The following LCOR variants were observed in gnomAD, a reference collection of about 807,000 sequenced individuals.
LCOR encodes the protein ligand dependent nuclear receptor corepressor, also known as ligand-dependent corepressor.
Under a neutral mutation model 64.4 loss-of-function variants are expected in LCOR, and 14 were observed. The ratio of observed to expected loss-of-function variants is 0.22; its 90% CI spans 0.14 to 0.34. LCOR has a LOEUF of 0.34. Among genes scored for constraint, LCOR ranks in the 10% least tolerant of loss-of-function variants. The pLI is 1.00. For synonymous variants in LCOR, 643 were observed against 642.5 expected, an observed-to-expected ratio of 1.00 and a Z score of -0.01; for missense variants, 1,686 against 1,765.3, an observed-to-expected ratio of 0.96 and a Z score of 0.80.
intron 4 of LCOR, among the ~76,000 whole-genome samples, chr10:96,936,561 T>C (rs921586932): frequency 1.3e-5 from 2 of 152,222 alleles, no homozygotes; most frequent in African/African-American, 4.8e-5. Flanking sequence ...GTAAAAAGAA[T>C]TGGGGAATAC....
intron 6 of LCOR, among the ~76,000 whole-genome samples, chr10:96,949,805 G>A (rs1033462350): frequency 1.3e-5 from 2 of 152,000 alleles, no homozygotes; most frequent in African/African-American, 4.8e-5. Flanking sequence ...CATACTTTAG[G>A]TTGTTAAATA....
intron 4 of LCOR, 117 bp downstream of exon 4, chr10:96,907,864 C>G (rs1455587788): frequency 4.7e-6 from 1 of 213,838 alleles, no homozygotes; most frequent in Non-Finnish European, 8.0e-6. Flanking sequence ...TGGTTTCATA[C>G]TTAGTTATGA....
chr10:96,861,548 C>G (rs925413946), intron 2 of LCOR, among the ~76,000 whole-genome samples: 12 of 151,892 alleles, frequency 7.9e-5, no homozygotes, highest in Non-Finnish European at 5.9e-5. Context: ...TCTCTTTTCT[C>G]TTTCTTTTTT....
rs1845542962 is a variant in LCOR, at chr10:96,841,608, A to G, written c.-330+8129A>G. On this transcript the variant is annotated intron_variant, in intron 2 of 7. Coordinates refer to ENST00000421806, the MANE Select transcript of LCOR (RefSeq NM_001346516.2). ...ACTCCTGACCTCAAGTGATCTGCCC[A>G]CCTTGGCCTCCCAAAGTGTTGGGAT... 2.0e-5 allele frequency among the ~76,000 whole-genome samples: 3 copies of G among 151,962 alleles called. No homozygotes were observed. The South Asian group carries it at 6.2e-4, about 32-fold the overall frequency.
chr10:96,949,279 A>G lies in LCOR; in HGVS notation c.222A>G (p.Ser74=), dbSNP rs1847637136. Residue 74 remains serine (S), a synonymous_variant, in exon 6 of 8, where the codon TCA becomes TCG. Transcript: ENST00000421806. ...ACCTTACTGTCAGAAAGTCTCAGTCAGAACCTAGCGAACAAGGTATGGTTT... is the reference window on the plus strand; with the variant it reads ...ACCTTACTGTCAGAAAGTCTCAGTCGGAACCTAGCGAACAAGGTATGGTTT... ...PLDLTVRKSQ[S]EPSEQDGVLD... is the part of the protein sequence containing the mutation. 1.2e-6 allele frequency: 2 copies of G among 1,614,028 alleles called. No homozygotes were observed. Among genetic ancestry groups the G allele is most frequent in the African/African-American group, 1.3e-5 (1 of 74,910 alleles).
intron 2 of LCOR, among the ~76,000 whole-genome samples, chr10:96,902,444 G>A (rs919895592): frequency 6.6e-6 from 1 of 152,196 alleles, no homozygotes; most frequent in Non-Finnish European, 1.5e-5. Context: ...ACCAGGGATA[G>A]TAAGGGGAAG....
At chr10:96,920,495 T>C (rs1249541970) in intron 4 of LCOR, among the ~76,000 whole-genome samples, 2 of 144,452 alleles carry the variant, frequency 1.4e-5, no homozygotes, top group African/African-American at 2.6e-5. Flanking sequence ...TTCATATATA[T>C]GTGTATATAT....
chr10:96,865,801 G>C (rs750654673), intron 2 of LCOR, among the ~76,000 whole-genome samples: 31 of 150,984 alleles, frequency 2.1e-4, no homozygotes, highest in Non-Finnish European at 3.5e-4. Context: ...TTGAACCCAG[G>C]AGGCAGAGGT....
At position 96,981,447 on chromosome 10, in the gene LCOR, T is replaced by C; in HGVS notation, c.987T>C (p.Asn329=). Residue 329 remains asparagine, a synonymous_variant, in exon 8 of 8, where the codon AAT becomes AAC. Coordinates refer to ENST00000421806, the MANE Select transcript of LCOR (RefSeq NM_001346516.2). ...TTACAGTAAAAATGGCAGCTGAGAA[T>C]AGTGAGGAAGGCAATACCTGTATTA... ...SLITVKMAAE[N]SEEGNTCIIP... 1 of 1,614,144 alleles carries C rather than the reference T, an allele frequency of 6.2e-7. No homozygotes were observed. The highest frequency in any genetic ancestry group is 1.1e-5 in the South Asian group (1 of 91,078).
At chr10:96,883,614 T>G (rs369584997) in intron 2 of LCOR, among the ~76,000 whole-genome samples, 14 of 152,248 alleles carry the variant, frequency 9.2e-5, no homozygotes, top group African/African-American at 3.4e-4. Context: ...TGTTGAACTT[T>G]CATATGCTTA....
At chr10:96,942,340 G>C (rs1847504778) in intron 4 of LCOR, among the ~76,000 whole-genome samples, 1 of 152,142 alleles carries the variant, frequency 6.6e-6, no homozygotes, top group African/African-American at 2.4e-5. Context: ...GCACTCGGCA[G>C]GCTGAGGCAG....
intron 4 of LCOR, among the ~76,000 whole-genome samples, chr10:96,913,025 G>A (rs996498025): frequency 9.3e-5 from 14 of 150,680 alleles, no homozygotes; most frequent in African/African-American, 3.4e-4. Context: ...GTTGGCTGTT[G>A]TGTCCTTTTT....
Position 96,989,695 on chromosome 10 carries a change from A to ATATATATTTTTTT in LCOR, c.*4562_*4563insATATATTTTTTTT, listed in dbSNP as rs1371771053. 7.0e-5 allele frequency: 6 copies of ATATATATTTTTTT among 86,160 alleles called. No homozygotes were observed. The highest frequency in any genetic ancestry group is 4.4e-4 in the South Asian group (1 of 2,256). 5.3% of individuals were successfully genotyped at this position (86,160 alleles called of 1,614,324 possible). On this transcript the variant is annotated 3_prime_UTR_variant, in exon 8 of 8. Coordinates refer to ENST00000421806, the MANE Select transcript of LCOR (RefSeq NM_001346516.2). ...TAAGGATATATATATATATATATAT[A>ATATATATTTTTTT]TTTTTTTTTTTTTTTTTTTTTTTTA...
chr10:96,840,152 C>A (rs997892388), intron 2 of LCOR, among the ~76,000 whole-genome samples: 1 of 152,094 alleles, frequency 6.6e-6, no homozygotes, highest in Non-Finnish European at 1.5e-5. Context: ...GGGTAGATGG[C>A]CGAATTTAAG....
At chr10:96,883,051 T>C (rs1393200426) in intron 2 of LCOR, among the ~76,000 whole-genome samples, 3 of 152,202 alleles carry the variant, frequency 2.0e-5, no homozygotes, top group African/African-American at 7.2e-5. Context: ...TTGTTGTTGT[T>C]GTTGAGACAG....
chr10:96,865,100 A>G (rs962943830), intron 2 of LCOR, among the ~76,000 whole-genome samples: 4 of 152,232 alleles, frequency 2.6e-5, no homozygotes, highest in African/African-American at 9.6e-5. Context: ...AGAAAGGACT[A>G]TAGGATATCA....
intron 4 of LCOR, among the ~76,000 whole-genome samples, chr10:96,932,600 A>G (rs557842046): frequency 2.0e-5 from 3 of 152,250 alleles, no homozygotes; most frequent in Admixed American, 2.0e-4. Context: ...AGTAGCTGGG[A>G]CTACAGGCGC....
In LCOR at chr10:96,986,858, G is replaced by A. The variant is rs2134569507; in HGVS notation, c.*1724G>A. Reference sequence around the variant, plus strand: ...AGATCTCTTTAGATAAGCCCAGATGGACTTTTTTCATGCAAATCATGATAA... The same window carrying A: ...AGATCTCTTTAGATAAGCCCAGATGAACTTTTTTCATGCAAATCATGATAA... On this transcript the variant is annotated 3_prime_UTR_variant, in exon 8 of 8. Coordinates refer to ENST00000421806, the MANE Select transcript of LCOR (RefSeq NM_001346516.2). 6.6e-6 allele frequency: 1 copy of A among 152,236 alleles called. No individual in the cohort carries two copies. Among genetic ancestry groups the A allele is most frequent in the African/African-American group, 2.4e-5 (1 of 41,540 alleles). The allele number at this position is 152,236 out of a possible 1,614,324, so 9.4% of individuals were successfully genotyped here. A position where few individuals can be genotyped will look rare whatever the true frequency, so the allele number is the denominator to read the frequency against.
At chr10:96,862,361 T>C (rs1845901347) in intron 2 of LCOR, among the ~76,000 whole-genome samples, 1 of 152,058 alleles carries the variant, frequency 6.6e-6, no homozygotes, top group African/African-American at 2.4e-5. Context: ...GCAGCCTCGA[T>C]CTGAAGCAGT....
Sources: gnomAD v4.1 joint callset for allele counts (sites outside exome capture counted in the v4.1 genomes callset) on GRCh38, gnomAD v4.1.1 for gene constraint, MANE v1.5 for transcripts, NCBI Gene and HGNC (gene_info 2026-07-23, HGNC 2026-07-21) for gene names.